The following ZRANB2 variants were observed in gnomAD, a reference collection of about 807,000 sequenced individuals.
The protein encoded by ZRANB2 is zinc finger Ran-binding domain-containing protein 2.
ZRANB2 carries 19 observed loss-of-function variants against 53.4 expected under a neutral mutation model. That is an observed-to-expected ratio of 0.36 (90% CI 0.25 to 0.52). The LOEUF (loss-of-function observed/expected upper bound fraction) is 0.52, where lower values mean the gene tolerates loss of function less well. ZRANB2 is among the 20% of genes least tolerant of loss of function. The pLI is 0.93. For missense variants in ZRANB2, 309 were observed against 401.1 expected (o/e 0.77, Z 1.96); for synonymous variants, 145 against 134.8 (o/e 1.08, Z -0.52).
chr1:71,080,032 ATAAG>A (rs768712951), intron 1 of ZRANB2, among the ~76,000 whole-genome samples: 41 of 152,332 alleles, frequency 2.7e-4, no homozygotes, highest in African/African-American at 4.6e-4. Flanking sequence ...TAGCAGTTAA[ATAAG>A]TAATAGAATT....
Position 71,078,359 on chromosome 1 carries a change from G to C in ZRANB2, c.218+98C>G. On this transcript the variant is annotated intron_variant, in intron 3 of 9. Coordinates refer to ENST00000370920, the MANE Select transcript of ZRANB2 (RefSeq NM_203350.3). ...TACCTTGGATTTAAAAGGTTACCCT[G>C]GCTTGTCAATGTCACTAATAAGAGC... 3.0e-6 allele frequency: 3 copies of C among 986,060 alleles called. No homozygotes were observed. The South Asian group carries it at 4.5e-5, about 15-fold the overall frequency. 61.1% of individuals were successfully genotyped at this position (986,060 alleles called of 1,614,324 possible). A position where few individuals can be genotyped will look rare whatever the true frequency, so the allele number is the denominator to read the frequency against.
intron 3 of ZRANB2, among the ~76,000 whole-genome samples, chr1:71,077,205 A>T (rs746166026): frequency 2.6e-5 from 4 of 152,248 alleles, no homozygotes; most frequent in Middle Eastern, 3.4e-3. Context: ...CCAAAATCTA[A>T]AACTTTTTGA....
At chr1:71,078,846 ACT>A in intron 1 of ZRANB2, 138 bp from the exon 2 acceptor site, 4 of 729,892 alleles carry the variant, frequency 5.5e-6, no homozygotes, top group Middle Eastern at 3.9e-4. Context: ...CCAACAAAAA[ACT>A]CCACACAATT....
chr1:71,076,279 C>T (rs570051649), intron 4 of ZRANB2, among the ~76,000 whole-genome samples: 113 of 152,290 alleles, frequency 7.4e-4, no homozygotes, highest in African/African-American at 2.6e-3. Flanking sequence ...TTATCAAACA[C>T]CATCCAAAAA....
chr1:71,073,272 C>T (rs1375730960), intron 4 of ZRANB2, among the ~76,000 whole-genome samples: 2 of 151,938 alleles, frequency 1.3e-5, no homozygotes, highest in Admixed American at 6.6e-5. Context: ...AGAAAATGAG[C>T]TAGTTTTAGG....
rs931548826 is a variant in ZRANB2, at chr1:71,063,915, T to C, written c.*1159A>G. 6.6e-5 allele frequency: 10 copies of C among 152,408 alleles called. No individual in the cohort carries two copies. Among genetic ancestry groups the C allele is most frequent in the African/African-American group, 1.7e-4 (7 of 41,450 alleles). 9.4% of individuals were successfully genotyped at this position (152,408 alleles called of 1,614,324 possible). ...CCCCCAAGCACAACTGTTGATTTCC[T>C]TTGATATACTTACCTTGCATTGTCA... On this transcript the variant is annotated 3_prime_UTR_variant, in exon 10 of 10. Transcript: ENST00000370920.
At chr1:71,080,840 T>A (rs1309070978) in intron 1 of ZRANB2, 100 bp downstream of exon 1, 1 of 1,435,460 alleles carries the variant, frequency 7.0e-7, no homozygotes, top group East Asian at 2.3e-5. Context: ...TCAACCCGTC[T>A]TAAGGCACAG....
At chr1:71,069,871 T>C (rs1661557733) in intron 7 of ZRANB2, among the ~76,000 whole-genome samples, 1 of 152,158 alleles carries the variant, frequency 6.6e-6, no homozygotes. Flanking sequence ...CTGTCATTGT[T>C]AGGTAATTAT....
chr1:71,072,774 T>G (rs1388450038), intron 4 of ZRANB2, among the ~76,000 whole-genome samples: 1 of 152,114 alleles, frequency 6.6e-6, no homozygotes, highest in South Asian at 2.1e-4. Flanking sequence ...CAATTCCAAA[T>G]TGCCCTACAT....
At chr1:71,069,190 A>T in intron 8 of ZRANB2, 86 bp downstream of exon 8, 1 of 1,135,464 alleles carries the variant, frequency 8.8e-7, no homozygotes, top group Non-Finnish European at 1.2e-6. Context: ...AGTAGAAGCA[A>T]AATAAGGGGA....
At chr1:71,075,135 T>G (rs1334249138) in intron 4 of ZRANB2, among the ~76,000 whole-genome samples, 1 of 152,172 alleles carries the variant, frequency 6.6e-6, no homozygotes, top group African/African-American at 2.4e-5. Context: ...GACTTTATCC[T>G]AAAAGCAATC....
rs989826497 is a variant in ZRANB2, at chr1:71,067,093, A to G, written c.771-159T>C. On this transcript the variant is annotated intron_variant, in intron 8 of 9. Coordinates refer to ENST00000370920, the MANE Select transcript of ZRANB2 (RefSeq NM_203350.3). ...TGCTTATTCAACAGAAGACTTCTGG[A>G]TCAACCATGAAAACATTCTACTTAA... 1.7e-5 allele frequency: 10 copies of G among 595,868 alleles called. No homozygotes were observed. The African/African-American group carries it at 1.9e-4, about 12-fold the overall frequency. The allele number at this position is 595,868 out of a possible 1,614,324, so 36.9% of individuals were successfully genotyped here.
intron 9 of ZRANB2, chr1:71,065,721 A>G (rs374347376): frequency 1.9e-5 from 31 of 1,612,534 alleles, no homozygotes; most frequent in Non-Finnish European, 2.5e-5. Context: ...CCCTGGGCTC[A>G]GGGTTGTTTA....
At chr1:71,065,269 G>C (rs906717384) in intron 9 of ZRANB2, 132 bp from the exon 10 acceptor site, 9 of 598,790 alleles carry the variant, frequency 1.5e-5, no homozygotes, top group Non-Finnish European at 2.5e-5. Context: ...ATTGAGATAG[G>C]AACTTACACA....
intron 6 of ZRANB2, among the ~76,000 whole-genome samples, chr1:71,071,464 A>C (rs1182760934): frequency 6.6e-6 from 1 of 152,134 alleles, no homozygotes; most frequent in Non-Finnish European, 1.5e-5. Flanking sequence ...AAAAACTTCA[A>C]AACTGGCTTA....
At position 71,078,659 on chromosome 1, in the gene ZRANB2, G is replaced by A. The variant is rs1283587803; in HGVS notation, c.106C>T (p.Arg36Trp). 4.3e-6 allele frequency: 7 copies of A among 1,612,642 alleles called. No homozygotes were observed. Among genetic ancestry groups the A allele is most frequent in the Admixed American group, 1.7e-5 (1 of 60,006 alleles). Reference protein sequence around the residue: ...ARRTSCNRCGREKTTEAKMMK... With the variant: ...ARRTSCNRCGWEKTTEAKMMK... ...AGAATCTTCTTTAAATACTTACCCC[G>A]ACCACATCGATTACAGCTGGTTCTT... Residue 36 changes from arginine (R) to tryptophan (W), a missense_variant, in exon 2 of 10, where the codon CGG (arginine) becomes TGG (tryptophan). By Grantham distance (101) the Arg-to-Trp change is moderately radical. Transcript: ENST00000370920.
chr1:71,072,384 T>A (rs1661614202), intron 5 of ZRANB2, 88 bp downstream of exon 5: 2 of 1,468,716 alleles, frequency 1.4e-6, no homozygotes, highest in African/African-American at 1.4e-5. Flanking sequence ...CAAATTGCAC[T>A]TAAAAAAAAG....
chr1:71,079,860 T>C (rs926780047), intron 1 of ZRANB2, among the ~76,000 whole-genome samples: 1 of 152,220 alleles, frequency 6.6e-6, no homozygotes, highest in Non-Finnish European at 1.5e-5. Flanking sequence ...TAACTTTGGT[T>C]CTATTCAGTA....
At chr1:71,075,898 T>TA (rs1246715647) in intron 4 of ZRANB2, among the ~76,000 whole-genome samples, 1 of 125,686 alleles carries the variant, frequency 8.0e-6, no homozygotes, top group Non-Finnish European at 1.6e-5. Context: ...ATGTAAGTTT[T>TA]AAAAAAGGGG....
Sources: allele counts gnomAD v4.1 joint callset (sites outside exome capture counted in the v4.1 genomes callset), GRCh38; gene constraint gnomAD v4.1.1; transcripts MANE v1.5; gene names NCBI Gene and HGNC (gene_info 2026-07-23, HGNC 2026-07-21).